Variants in ANKRD12 observed in about 807,000 individuals in gnomAD.
The protein encoded by ANKRD12 is ankyrin repeat domain-containing protein 12.
ANKRD12 carries 85 observed loss-of-function variants against 183.4 expected under a neutral mutation model. That is an observed-to-expected ratio of 0.46 (90% confidence interval 0.39 to 0.56). The LOEUF is 0.56. ANKRD12 is among the 20% of genes least tolerant of loss of function. The pLI, the probability that ANKRD12 is intolerant of heterozygous loss-of-function variation, is 0.00. For synonymous variants in ANKRD12, 914 were observed against 800.2 expected (o/e 1.14, Z -2.40); for missense variants, 2,405 against 2,357.1 (o/e 1.02, Z -0.42).
chr18:9,197,580 G>T (rs2034914243), intron 3 of ANKRD12, among the ~76,000 whole-genome samples: 1 of 151,974 alleles, frequency 6.6e-6, no homozygotes, highest in African/African-American at 2.4e-5. Context: ...CATCTTTTGT[G>T]TGTTACGTTA....
chr18:9,141,814 A>G (rs1382432701), intron 1 of ANKRD12, among the ~76,000 whole-genome samples: 1 of 152,250 alleles, frequency 6.6e-6, no homozygotes, highest in Non-Finnish European at 1.5e-5. Flanking sequence ...CAATAAGTAC[A>G]TTTTTAACTA....
At position 9,204,413 on chromosome 18, in the gene ANKRD12, G is replaced by A. The variant is rs183131931; in HGVS notation, c.236-63G>A. 24 of 1,201,332 alleles carry A rather than the reference G, an allele frequency of 2.0e-5. No homozygotes were observed. In the East Asian group the frequency reaches 4.1e-4, roughly 20 times the overall value. The allele number at this position is 1,201,332 out of a possible 1,614,324, so 74.4% of individuals were successfully genotyped here. ...GTGGTCTTTTGAAAAATGTTGGTTTGTTGAATTCTGCATTTCCCTCCGTGT... is the reference window on the plus strand; with the variant it reads ...GTGGTCTTTTGAAAAATGTTGGTTTATTGAATTCTGCATTTCCCTCCGTGT... On this transcript the variant is annotated intron_variant, in intron 3 of 12. Transcript: ENST00000262126.
intron 6 of ANKRD12, among the ~76,000 whole-genome samples, chr18:9,215,733 C>A (rs1347477130): frequency 1.7e-5 from 1 of 57,460 alleles, no homozygotes; most frequent in Non-Finnish European, 4.5e-5. Context: ...AAAACTGTGT[C>A]CAGATGTTGT....
rs770149064 is a variant in ANKRD12 at position 9,257,467 on chromosome 18, C to T, written c.4200C>T (p.Asp1400=). The T allele has an allele frequency of 1.9e-6, 3 of 1,614,120 alleles. No individual in the cohort carries two copies. The highest frequency in any genetic ancestry group is 2.5e-6 in the Non-Finnish European group (3 of 1,179,996). Residue 1400 remains aspartate (D), a synonymous_variant, in exon 9 of 13, where the codon GAC becomes GAT. Transcript: ENST00000262126. ...KNTAPVNTVM[D]SPVHLEPSSQ... Reference sequence around the variant, plus strand: ...CTGCCCCAGTGAACACTGTAATGGACAGTCCAGTGCATTTAGAGCCATCTA... The same window carrying T: ...CTGCCCCAGTGAACACTGTAATGGATAGTCCAGTGCATTTAGAGCCATCTA...
intron 1 of ANKRD12, among the ~76,000 whole-genome samples, chr18:9,158,682 G>A (rs192697730): frequency 6.6e-6 from 1 of 152,280 alleles, no homozygotes. Flanking sequence ...CTACAGCACA[G>A]TTACTCTTTT....
At position 9,284,853 on chromosome 18, in the gene ANKRD12, A is replaced by T. The variant is rs1234257438; in HGVS notation, c.*3727A>T. On this transcript the variant is annotated 3_prime_UTR_variant, in exon 13 of 13. Transcript: ENST00000262126. ...AATGGTTGGGTTTTCCCAGTGGTTA[A>T]ATGCTATATAATAACTGCAAATAAA... The T allele has an allele frequency of 6.6e-6, 1 of 152,250 alleles. No individual in the cohort carries two copies. The highest frequency in any genetic ancestry group is 1.9e-4 in the East Asian group (1 of 5,204). 9.4% of individuals were successfully genotyped at this position (152,250 alleles called of 1,614,324 possible).
At chr18:9,221,658 T>G (rs1001979861) in intron 7 of ANKRD12, among the ~76,000 whole-genome samples, 194 bp from the exon 8 acceptor site, 3 of 152,126 alleles carry the variant, frequency 2.0e-5, no homozygotes, top group African/African-American at 7.2e-5. Flanking sequence ...TTTGTAGTAG[T>G]TGAGGTTATC....
At chr18:9,200,343 A>G (rs1013401632) in intron 3 of ANKRD12, among the ~76,000 whole-genome samples, 1 of 152,188 alleles carries the variant, frequency 6.6e-6, no homozygotes, top group African/African-American at 2.4e-5. Context: ...TTACTCTGTC[A>G]AAGAATTCCC....
intron 1 of ANKRD12, among the ~76,000 whole-genome samples, chr18:9,154,009 ATTC>A (rs2030001473): frequency 6.6e-6 from 1 of 152,220 alleles, no homozygotes; most frequent in South Asian, 2.1e-4. Flanking sequence ...TGTTTTGAAA[ATTC>A]TTCATGTGTC....
intron 10 of ANKRD12, among the ~76,000 whole-genome samples, chr18:9,267,172 T>C (rs1380057109): frequency 6.6e-6 from 1 of 152,074 alleles, no homozygotes; most frequent in East Asian, 1.9e-4. Context: ...ATACTAATAA[T>C]GGGAGACGTT....
chr18:9,155,200 T>A (rs2030223423), intron 1 of ANKRD12, among the ~76,000 whole-genome samples: 1 of 152,178 alleles, frequency 6.6e-6, no homozygotes, highest in Non-Finnish European at 1.5e-5. Flanking sequence ...AAAGAATCAA[T>A]AAGACCTAGT....
intron 1 of ANKRD12, among the ~76,000 whole-genome samples, chr18:9,151,958 G>A (rs2078699378): frequency 6.6e-6 from 1 of 152,134 alleles, no homozygotes; most frequent in Non-Finnish European, 1.5e-5. Context: ...GTTCATGCCT[G>A]TCATCCCAGC....
At chr18:9,187,122 C>T (rs780599426) in intron 2 of ANKRD12, among the ~76,000 whole-genome samples, 6 of 151,954 alleles carry the variant, frequency 3.9e-5, no homozygotes, top group Admixed American at 6.6e-5. Context: ...AGTTGTTTTT[C>T]CCCATAACAT....
chr18:9,259,037 C>T (rs2038805778), intron 9 of ANKRD12, 106 bp downstream of exon 9: 1 of 1,277,544 alleles, frequency 7.8e-7, no homozygotes, highest in East Asian at 2.5e-5. Flanking sequence ...ATAATTTCAG[C>T]AAAATAATCT....
At chr18:9,167,282 CATTGAATCTATAAATT>C (rs2032179825) in intron 1 of ANKRD12, among the ~76,000 whole-genome samples, 1 of 152,152 alleles carries the variant, frequency 6.6e-6, no homozygotes, top group Non-Finnish European at 1.5e-5. Context: ...ATGGGGATGG[CATTGAATCTATAAATT>C]ACCTTGGGCA....
chr18:9,168,203 G>C (rs2032291706), intron 1 of ANKRD12, among the ~76,000 whole-genome samples: 1 of 152,130 alleles, frequency 6.6e-6, no homozygotes, highest in Non-Finnish European at 1.5e-5. Context: ...GTCTCTGCCA[G>C]GCTTTGGTAT....
At chr18:9,269,102 T>G (rs1326885280) in intron 10 of ANKRD12, among the ~76,000 whole-genome samples, 26 of 152,154 alleles carry the variant, frequency 1.7e-4, no homozygotes, top group Admixed American at 1.3e-4. Context: ...TACAAACCAC[T>G]GCTCAATGAA....
rs764769223 is a variant in ANKRD12, at chr18:9,195,656, A to G, written c.193A>G (p.Thr65Ala). ...KSSMKRKLPF[T>A]ISPSRNEERD... ...ATCCATGAAACGTAAACTTCCTTTTACTATTAGCCCATCAAGAAATGAAGA... is the reference window on the plus strand; with the variant it reads ...ATCCATGAAACGTAAACTTCCTTTTGCTATTAGCCCATCAAGAAATGAAGA... Residue 65 changes from threonine to alanine, a missense_variant, in exon 3 of 13, where the codon ACT (threonine) becomes GCT (alanine). Thr to Ala is a moderately conservative substitution (Grantham distance 58). Transcript: ENST00000262126. The G allele has an allele frequency of 5.0e-6, 8 of 1,612,556 alleles. No individual in the cohort carries two copies. Among genetic ancestry groups the G allele is most frequent in the Non-Finnish European group, 5.9e-6 (7 of 1,179,300 alleles).
chr18:9,199,431 G>A (rs2035039544), intron 3 of ANKRD12, among the ~76,000 whole-genome samples: 2 of 152,158 alleles, frequency 1.3e-5, no homozygotes, highest in South Asian at 4.1e-4. Flanking sequence ...GAAAGATTAA[G>A]ACTAAGACTT....
Sources: allele counts gnomAD v4.1 joint callset (sites outside exome capture counted in the v4.1 genomes callset), GRCh38; gene constraint gnomAD v4.1.1; transcripts MANE v1.5; gene names NCBI Gene and HGNC (gene_info 2026-07-23, HGNC 2026-07-21).